KAZN: variants seen among roughly 807,000 people sequenced by gnomAD.
The protein encoded by KAZN is kazrin.
In KAZN, 40 loss-of-function variants were observed where a neutral mutation model predicts 87.4. The ratio of observed to expected loss-of-function variants is 0.46; its 90% confidence interval spans 0.36 to 0.60. The LOEUF (loss-of-function observed/expected upper bound fraction) is 0.60. KAZN is among the 20% of genes least tolerant of loss of function. KAZN has a pLI of 0.00. For synonymous variants in KAZN, 466 were observed against 458.3 expected, an observed-to-expected ratio of 1.02 and a Z score of -0.22; for missense variants, 898 against 1,073.9, an observed-to-expected ratio of 0.84 and a Z score of 2.29.
chr1:14,614,339 T>C (rs1678053778), intron 1 of KAZN, among the ~76,000 whole-genome samples: 1 of 152,254 alleles, frequency 6.6e-6, no homozygotes, highest in Admixed American at 6.5e-5. Context: ...TAACAGTGGT[T>C]TATTCCCTGC....
At chr1:13,935,406 G>A (rs1191313466) in intron 1 of KAZN, among the ~76,000 whole-genome samples, 1 of 152,148 alleles carries the variant, frequency 6.6e-6, no homozygotes, top group Non-Finnish European at 1.5e-5. Flanking sequence ...ACTGGGAAGG[G>A]CAGAAACGGG....
intron 1 of KAZN, among the ~76,000 whole-genome samples, chr1:13,897,971 T>C (rs1232132391): frequency 6.6e-6 from 1 of 152,114 alleles, no homozygotes; most frequent in African/African-American, 2.4e-5. Context: ...CCCAAAATGG[T>C]AGGTGAGAAG....
At chr1:14,938,296 C>G (rs1359094457) in intron 1 of KAZN, among the ~76,000 whole-genome samples, 2 of 152,214 alleles carry the variant, frequency 1.3e-5, no homozygotes, top group Non-Finnish European at 2.9e-5. Context: ...AATCCCAACA[C>G]TTTGGGAGGC....
At chr1:14,440,315 T>A (rs1666626347) in intron 2 of KAZN, among the ~76,000 whole-genome samples, 1 of 152,194 alleles carries the variant, frequency 6.6e-6, no homozygotes, top group Non-Finnish European at 1.5e-5. Context: ...ATTCCAGTCC[T>A]CCGTGGGTTG....
At chr1:14,576,487 G>A (rs936129616) in intron 2 of KAZN, among the ~76,000 whole-genome samples, 2 of 152,154 alleles carry the variant, frequency 1.3e-5, no homozygotes, top group African/African-American at 2.4e-5. Context: ...ATGGATGGAT[G>A]CACTGATGGA....
intron 2 of KAZN, among the ~76,000 whole-genome samples, chr1:14,292,413 C>T (rs992044180): frequency 1.3e-5 from 2 of 152,114 alleles, no homozygotes; most frequent in Non-Finnish European, 2.9e-5. Flanking sequence ...GCTTGGGGAC[C>T]CTTCCAAGGC....
At chr1:14,129,073 G>A (rs1045076345) in intron 1 of KAZN, among the ~76,000 whole-genome samples, 4 of 152,154 alleles carry the variant, frequency 2.6e-5, no homozygotes, top group African/African-American at 7.2e-5. Flanking sequence ...CCTCCTAAAA[G>A]GCACTGATTT....
At chr1:14,363,451 A>C (rs1388570467) in intron 2 of KAZN, among the ~76,000 whole-genome samples, 4 of 152,206 alleles carry the variant, frequency 2.6e-5, no homozygotes, top group African/African-American at 9.6e-5. Context: ...TGGGCTGCTC[A>C]GACTTCATAG....
At chr1:13,964,413 A>G (rs1307160508) in intron 1 of KAZN, among the ~76,000 whole-genome samples, 2 of 152,236 alleles carry the variant, frequency 1.3e-5, no homozygotes, top group South Asian at 2.1e-4. Context: ...GATGGCTTAA[A>G]ACAACAACTG....
chr1:14,941,943 A>G (rs997486270), intron 1 of KAZN, among the ~76,000 whole-genome samples: 3 of 152,130 alleles, frequency 2.0e-5, no homozygotes, highest in Non-Finnish European at 4.4e-5. Context: ...TGGGCCGTCT[A>G]CCGCTGGAGG....
intron 2 of KAZN, among the ~76,000 whole-genome samples, chr1:14,974,612 T>C (rs922803946): frequency 2.6e-5 from 4 of 152,208 alleles, no homozygotes; most frequent in African/African-American, 4.8e-5. Context: ...CTGGTAATAT[T>C]GTACAATGGA....
chr1:14,269,632 A>G (rs1651767708), intron 2 of KAZN, among the ~76,000 whole-genome samples: 1 of 152,186 alleles, frequency 6.6e-6, no homozygotes, highest in South Asian at 2.1e-4. Flanking sequence ...AGTAAGGGAA[A>G]ATACAATGGA....
chr1:14,773,622 G>A lies in KAZN; in HGVS notation c.226+174399G>A, dbSNP rs1442031668. 3.9e-5 allele frequency among the ~76,000 whole-genome samples: 6 copies of A among 152,124 alleles called. No homozygotes were observed. The highest frequency in any genetic ancestry group is 7.2e-5 in the African/African-American group (3 of 41,436). ...GAGTTGGAAATGAGGTCAGGCACCC[G>A]CCACCCGGTTCTCCTTCTTCCTCTT... is the stretch of plus-strand genomic sequence containing the variant. On this transcript the variant is annotated intron_variant, in intron 1 of 14. Coordinates refer to ENST00000376030, the MANE Select transcript of KAZN (RefSeq NM_201628.3). The surrounding 1 kb of genome is among the most constrained non-coding windows in gnomAD (Gnocchi z 5.9).
chr1:14,100,647 T>G (rs1644229464), intron 1 of KAZN, among the ~76,000 whole-genome samples: 1 of 152,190 alleles, frequency 6.6e-6, no homozygotes, highest in African/African-American at 2.4e-5. Flanking sequence ...TGGGGGCTGG[T>G]CACATAGGCA....
chr1:14,346,081 C>T (rs1297467265), intron 2 of KAZN, among the ~76,000 whole-genome samples: 1 of 152,198 alleles, frequency 6.6e-6, no homozygotes, highest in Non-Finnish European at 1.5e-5. Flanking sequence ...TAGAAGTTTC[C>T]TGCTGTGCAC....
chr1:14,290,521 C>T (rs1321193262), intron 2 of KAZN, among the ~76,000 whole-genome samples: 1 of 152,168 alleles, frequency 6.6e-6, no homozygotes, highest in Non-Finnish European at 1.5e-5. Context: ...TGATTTTCAG[C>T]TCCATCAGGT....
intron 2 of KAZN, among the ~76,000 whole-genome samples, chr1:14,457,336 C>G (rs532422095): frequency 9.2e-5 from 14 of 152,252 alleles, no homozygotes; most frequent in African/African-American, 2.9e-4. Context: ...AATACCTGTT[C>G]GTTCCTTTCC....
At chr1:14,050,423 C>T (rs954763955) in intron 1 of KAZN, among the ~76,000 whole-genome samples, 4 of 152,156 alleles carry the variant, frequency 2.6e-5, no homozygotes, top group African/African-American at 9.7e-5. Context: ...ACTCACAGTT[C>T]CGCATGGCTG....
chr1:14,976,499 C>T (rs1191347932), intron 2 of KAZN, among the ~76,000 whole-genome samples: 1 of 152,236 alleles, frequency 6.6e-6, no homozygotes, highest in Non-Finnish European at 1.5e-5. Flanking sequence ...GGTTCAGACT[C>T]AGGCCCTTCC....
Sources: allele counts gnomAD v4.1 joint callset (sites outside exome capture counted in the v4.1 genomes callset), GRCh38; gene constraint gnomAD v4.1.1; non-coding constraint Gnocchi (gnomAD v3.1); transcripts MANE v1.5; gene names NCBI Gene and HGNC (gene_info 2026-07-23, HGNC 2026-07-21).